AGBL4: variants seen among roughly 807,000 people sequenced by gnomAD.
AGBL4 encodes the protein cytosolic carboxypeptidase 6.
A neutral mutation model predicts 66.4 loss-of-function variants in AGBL4; 58 were observed. That is an observed-to-expected ratio of 0.87 (90% CI 0.71 to 1.09). The LOEUF (loss-of-function observed/expected upper bound fraction) is 1.09. Among genes scored for constraint, AGBL4 ranks in the 50% least tolerant of loss-of-function variants. The pLI is 0.00. For missense variants in AGBL4, 579 were observed against 631.0 expected, an observed-to-expected ratio of 0.92 and a Z score of 0.88; for synonymous variants, 234 against 222.9, an observed-to-expected ratio of 1.05 and a Z score of -0.44.
intron 3 of AGBL4, among the ~76,000 whole-genome samples, chr1:49,458,141 CAG>C (rs1269561821): frequency 6.6e-5 from 10 of 151,638 alleles, no homozygotes; most frequent in African/African-American, 2.4e-4. Flanking sequence ...TTGCTTTTGG[CAG>C]TATGGTCTCT....
chr1:48,986,105 C>A (rs1035183203), intron 5 of AGBL4, among the ~76,000 whole-genome samples: 1 of 151,768 alleles, frequency 6.6e-6, no homozygotes, highest in African/African-American at 2.4e-5. Context: ...TAGAAACTAA[C>A]CAAAAAGAAA....
At chr1:49,685,514 C>T (rs1646771929) in intron 3 of AGBL4, among the ~76,000 whole-genome samples, 1 of 152,218 alleles carries the variant, frequency 6.6e-6, no homozygotes, top group African/African-American at 2.4e-5. Flanking sequence ...CTTACACTCT[C>T]ACCAGCAGTG....
intron 4 of AGBL4, among the ~76,000 whole-genome samples, chr1:49,216,319 G>T (rs1434662048): frequency 6.6e-6 from 1 of 152,026 alleles, no homozygotes; most frequent in Non-Finnish European, 1.5e-5. Flanking sequence ...TGCTACATGG[G>T]TGTATGCTAA....
intron 3 of AGBL4, among the ~76,000 whole-genome samples, chr1:49,341,998 T>C (rs1645548993): frequency 1.3e-5 from 2 of 152,324 alleles, no homozygotes; most frequent in Non-Finnish European, 2.9e-5. Flanking sequence ...CCTGGTTTAC[T>C]GGTCTGTGTT....
At chr1:49,850,041 T>C (rs1646266922) in intron 2 of AGBL4, among the ~76,000 whole-genome samples, 1 of 152,192 alleles carries the variant, frequency 6.6e-6, no homozygotes, top group Non-Finnish European at 1.5e-5. Context: ...GCGGACAGTA[T>C]TCAGGTCTGG....
chr1:49,257,824 G>T (rs186973232), intron 3 of AGBL4, among the ~76,000 whole-genome samples: 1 of 152,240 alleles, frequency 6.6e-6, no homozygotes, highest in East Asian at 1.9e-4. Context: ...CCTCCAGCAC[G>T]GAGCTGGAGA....
intron 3 of AGBL4, among the ~76,000 whole-genome samples, chr1:49,606,944 A>G (rs1244977876): frequency 6.6e-6 from 1 of 151,970 alleles, no homozygotes; most frequent in Non-Finnish European, 1.5e-5. Context: ...TGGCCCTTCC[A>G]TTTCATTTTA....
At chr1:49,884,092 C>G (rs17105788) in intron 1 of AGBL4, among the ~76,000 whole-genome samples, 4,275 of 151,810 alleles carry the variant, frequency 0.028, 170 homozygotes, top group African/African-American at 0.097. Flanking sequence ...GTTGTTTCAC[C>G]CATATTTTCA....
chr1:49,289,851 T>C (rs1644500707), intron 3 of AGBL4, among the ~76,000 whole-genome samples: 1 of 152,012 alleles, frequency 6.6e-6, no homozygotes, highest in Non-Finnish European at 1.5e-5. Flanking sequence ...ACAGTAAATA[T>C]AGGCAAACTC....
intron 3 of AGBL4, among the ~76,000 whole-genome samples, chr1:49,593,668 G>A (rs888350303): frequency 9.9e-5 from 15 of 152,088 alleles, no homozygotes; most frequent in Admixed American, 5.9e-4. Context: ...GCTTGGGGCA[G>A]GTTACATAAC....
chr1:48,813,771 A>C (rs1318682974), intron 6 of AGBL4, among the ~76,000 whole-genome samples: 1 of 151,686 alleles, frequency 6.6e-6, no homozygotes, highest in African/African-American at 2.4e-5. Flanking sequence ...CTAGTACTAG[A>C]CTTACTATTC....
chr1:49,885,315 A>G (rs1647906063), intron 1 of AGBL4, among the ~76,000 whole-genome samples: 1 of 152,004 alleles, frequency 6.6e-6, no homozygotes, highest in African/African-American at 2.4e-5. Context: ...CCAAAAGGAT[A>G]AATCTAAAAT....
intron 4 of AGBL4, among the ~76,000 whole-genome samples, chr1:49,205,467 A>G (rs1345103394): frequency 6.6e-6 from 1 of 152,030 alleles, no homozygotes; most frequent in Non-Finnish European, 1.5e-5. Flanking sequence ...GTGTAAGCAA[A>G]CTATAGGTAT....
At chr1:49,701,277 G>A (rs1647087890) in intron 2 of AGBL4, among the ~76,000 whole-genome samples, 1 of 151,292 alleles carries the variant, frequency 6.6e-6, no homozygotes, top group Admixed American at 6.6e-5. Flanking sequence ...GGGTAACAGA[G>A]TGAGACTCTG....
At chr1:49,829,437 A>G (rs767353512) in intron 2 of AGBL4, among the ~76,000 whole-genome samples, 19 of 152,312 alleles carry the variant, frequency 1.2e-4, no homozygotes, top group Non-Finnish European at 2.2e-4. Context: ...GTTGCACAGG[A>G]ATCAAAAACT....
intron 8 of AGBL4, among the ~76,000 whole-genome samples, chr1:48,648,744 T>C (rs1389033748): frequency 6.6e-6 from 1 of 152,224 alleles, no homozygotes; most frequent in Non-Finnish European, 1.5e-5. Context: ...TGTGGTTTTG[T>C]AAGTGCCTTT....
At chr1:49,583,254 A>T (rs1644580174) in intron 3 of AGBL4, among the ~76,000 whole-genome samples, 1 of 152,182 alleles carries the variant, frequency 6.6e-6, no homozygotes, top group Non-Finnish European at 1.5e-5. Context: ...GATGGTGAAC[A>T]TATCCACATA....
chr1:49,970,613 T>C (rs1258608445), intron 1 of AGBL4, among the ~76,000 whole-genome samples: 1 of 151,378 alleles, frequency 6.6e-6, no homozygotes, highest in Non-Finnish European at 1.5e-5. Flanking sequence ...GGAGAATCAC[T>C]TGAACCAAGG....
At chr1:49,152,152 G>C (rs1646348640) in intron 4 of AGBL4, among the ~76,000 whole-genome samples, 1 of 152,058 alleles carries the variant, frequency 6.6e-6, no homozygotes, top group African/African-American at 2.4e-5. Context: ...AATTCAAAGG[G>C]ATTAAGTATG....
Sources: allele counts gnomAD v4.1 joint callset (sites outside exome capture counted in the v4.1 genomes callset), GRCh38; gene constraint gnomAD v4.1.1; transcripts MANE v1.5; gene names NCBI Gene and HGNC (gene_info 2026-07-23, HGNC 2026-07-21).